ZNF687: variants seen among roughly 807,000 people sequenced by gnomAD.
ZNF687 encodes the protein zinc finger protein 687.
In ZNF687, 13 loss-of-function variants were observed where a neutral mutation model predicts 71.8. The ratio of observed to expected loss-of-function variants is 0.18; its 90% CI spans 0.12 to 0.29. The LOEUF is 0.29. ZNF687 is among the 10% of genes least tolerant of loss of function. The pLI, the probability that ZNF687 is intolerant of heterozygous loss-of-function variation, is 1.00. For synonymous variants in ZNF687, 673 were observed against 641.6 expected, an observed-to-expected ratio of 1.05 and a Z score of -0.74; for missense variants, 1,412 against 1,625.6, an observed-to-expected ratio of 0.87 and a Z score of 2.26.
At position 151,289,867 on chromosome 1, in the gene ZNF687, A is replaced by G. The variant is rs1288771529; in HGVS notation, c.2824A>G (p.Lys942Glu). 6.4e-7 allele frequency: 1 copy of G among 1,566,246 alleles called. No individual in the cohort carries two copies. Among genetic ancestry groups the G allele is most frequent in the Non-Finnish European group, 8.7e-7 (1 of 1,154,700 alleles). ...PSSPEPPRPA[K>E]RPRRELGSKG... ...CTCCCCTGAGCCCCCCCGTCCAGCC[A>G]AACGGCCTCGGCGGGAACTAGGGAG... Residue 942 changes from lysine (K) to glutamate (E), a missense_variant, in exon 6 of 9, where the codon AAA becomes GAA. Lys to Glu is a moderately conservative substitution (Grantham distance 56). Transcript: ENST00000336715.
At position 151,287,671 on chromosome 1, in the gene ZNF687, T is replaced by C. The variant is rs587651381; in HGVS notation, c.1380T>C (p.Thr460=). The stretch of plus-strand genomic sequence containing the variant: ...CTGACGGGCGGGCAGGGCTGGGGAC[T>C]GGGGGACAGAAGGTGAATGGTGCCT... ...PKADGRAGLG[T]GGQKVNGASV... The change falls in exon 2 of 9, where the codon ACT becomes ACC. Residue 460 remains threonine, a synonymous_variant. Transcript: ENST00000336715. This position sits in a 1 kb window ranked among gnomAD's most constrained non-coding sequence, Gnocchi z 5.0. 6.2e-7 allele frequency: 1 copy of C among 1,613,098 alleles called. No individual in the cohort carries two copies. The highest frequency in any genetic ancestry group is 1.3e-5 in the African/African-American group (1 of 74,902).
upstream of ZNF687, chr1:151,281,686 G>A (rs765453699): frequency 2.2e-6 from 1 of 450,398 alleles, no homozygotes; most frequent in South Asian, 1.6e-5. Flanking sequence ...CGATTTAGAC[G>A]GTGGGAAGAC....
Position 151,289,804 on chromosome 1 carries a change from G to A in ZNF687, c.2761G>A (p.Glu921Lys). The change falls in exon 6 of 9, where the codon GAG (glutamate) becomes AAG (lysine). Residue 921 changes from glutamate to lysine, a missense_variant. Transcript: ENST00000336715. Reference sequence around the variant, plus strand: ...GGGAGGGGCAGCCCCTGCTACTGAGGAGTCGTCTTCATCTTCAGAAGAGGA... The same window carrying A: ...GGGAGGGGCAGCCCCTGCTACTGAGAAGTCGTCTTCATCTTCAGAAGAGGA... ...SQGGAAPATE[E>K]SSSSSEEEEV... is the part of the protein sequence containing the mutation. The A allele has an allele frequency of 6.4e-7, 1 of 1,566,472 alleles. No homozygotes were observed. Among genetic ancestry groups the A allele is most frequent in the Non-Finnish European group, 8.7e-7 (1 of 1,155,042 alleles).
At position 151,287,032 on chromosome 1, in the gene ZNF687, C is replaced by T. The variant is rs752925191; in HGVS notation, c.741C>T (p.Asp247=). 6.2e-7 allele frequency: 1 copy of T among 1,607,344 alleles called. No individual in the cohort carries two copies. Among genetic ancestry groups the T allele is most frequent in the African/African-American group, 1.3e-5 (1 of 74,790 alleles). Reference sequence around the variant, plus strand: ...CAGGCTCCAGCCCTAAGGCCACGGACATCCCTGCCAGTGCCTCGCCTCCCC... The same window carrying T: ...CAGGCTCCAGCCCTAAGGCCACGGATATCCCTGCCAGTGCCTCGCCTCCCC... The part of the protein sequence containing the change: ...QGSGSSPKAT[D]IPASASPPPV... The change falls in exon 2 of 9, where the codon GAC becomes GAT. Residue 247 remains aspartate, a synonymous_variant. Transcript: ENST00000336715. The surrounding 1 kb of genome is among the most constrained non-coding windows in gnomAD (Gnocchi z 5.0).
intron 7 of ZNF687, 93 bp downstream of exon 7, chr1:151,290,327 C>G: frequency 6.2e-7 from 1 of 1,609,560 alleles, no homozygotes; most frequent in Non-Finnish European, 8.5e-7. Flanking sequence ...TCTAAGTGGC[C>G]TGATGGTTGG....
rs147172634 is a variant in ZNF687 at position 151,287,190 on chromosome 1, G to T, written c.899G>T (p.Gly300Val). 215 of 1,614,160 alleles carry T rather than the reference G, an allele frequency of 1.3e-4. No homozygotes were observed. In the African/African-American group the frequency reaches 2.3e-3, roughly 18 times the overall value. The change falls in exon 2 of 9, where the codon GGA (glycine) becomes GTA (valine). Residue 300 changes from glycine to valine, a missense_variant. Gly to Val is a moderately radical substitution (Grantham distance 109, BLOSUM62 -3). Transcript: ENST00000336715. This position sits in a 1 kb window ranked among gnomAD's most constrained non-coding sequence, Gnocchi z 5.0. ...DEGPVDKSSP[G>V]SPQSPSSGAE... is the part of the protein sequence containing the mutation. The stretch of plus-strand genomic sequence containing the variant: ...GGGCCAGTGGACAAGTCTTCCCCAG[G>T]AAGTCCCCAGAGTCCCTCTAGTGGG...
At chr1:151,281,858 C>T (rs587674299), upstream of ZNF687, 10 of 409,522 alleles carry the variant, frequency 2.4e-5, no homozygotes, top group South Asian at 1.8e-4. Flanking sequence ...CAGTGCCCAC[C>T]ACACAGAAGC....
In ZNF687 at chr1:151,288,403, C is replaced by T. The variant is rs1694049497; in HGVS notation, c.2112C>T (p.Ser704=). The stretch of plus-strand genomic sequence containing the variant: ...GCCCCCCTGCCCCTGGGGCCACCAG[C>T]AATGTGAGTCACCTTTCACAGCCCT... ...QLGPPAPGAT[S]NVCPTCPMML... Residue 704 remains serine (S), a synonymous_variant, in exon 2 of 9, where the codon AGC becomes AGT. Transcript: ENST00000336715. 1 of 1,602,732 alleles carries T rather than the reference C, an allele frequency of 6.2e-7. No homozygotes were observed. The highest frequency in any genetic ancestry group is 1.3e-5 in the African/African-American group (1 of 74,826).
At chr1:151,283,277 C>A in intron 1 of ZNF687, 1 of 985,468 alleles carries the variant, frequency 1.0e-6, no homozygotes, top group South Asian at 4.7e-5. Context: ...GCCGCCAGCC[C>A]CTCGCCCTCC....
rs888795715 is a variant in ZNF687 at position 151,290,949 on chromosome 1, C to T, written c.3454C>T (p.Arg1152Ter). The T allele has an allele frequency of 2.5e-6, 4 of 1,613,794 alleles. No homozygotes were observed. Among genetic ancestry groups the T allele is most frequent in the East Asian group, 2.2e-5 (1 of 44,886 alleles). The change falls in exon 9 of 9, where the codon CGA becomes TGA. Residue 1152 changes from arginine (R) to a stop codon, truncating the protein, a stop_gained. Transcript: ENST00000336715. LOFTEE classifies it high-confidence loss of function. ...CTTTGCCTCCCCTGGCTCCCTGAGC[C>T]GACACCGTTTCATCAGCCACAAGAA... is the stretch of plus-strand genomic sequence containing the variant. ...LCFASPGSLS[R>*]HRFISHKKRR...
chr1:151,288,409 G>A lies in ZNF687; in HGVS notation c.2115+3G>A. ...CTGCCCCTGGGGCCACCAGCAATGT[G>A]AGTCACCTTTCACAGCCCTTCTGTG... On this transcript the variant is annotated splice_donor_region_variant and intron_variant, in intron 2 of 8. Coordinates refer to ENST00000336715, the MANE Select transcript of ZNF687 (RefSeq NM_020832.3). The A allele has an allele frequency of 1.9e-6, 3 of 1,602,532 alleles. No individual in the cohort carries two copies. The highest frequency in any genetic ancestry group is 4.5e-5 in the East Asian group (2 of 44,742).
In ZNF687 at chr1:151,287,672, G is replaced by C. The variant is rs149906483; in HGVS notation, c.1381G>C (p.Gly461Arg). Reference sequence around the variant, plus strand: ...TGACGGGCGGGCAGGGCTGGGGACTGGGGGACAGAAGGTGAATGGTGCCTC... The same window carrying C: ...TGACGGGCGGGCAGGGCTGGGGACTCGGGGACAGAAGGTGAATGGTGCCTC... ...KADGRAGLGT[G>R]GQKVNGASVV... is the part of the protein sequence containing the mutation. The change falls in exon 2 of 9, where the codon GGG (glycine) becomes CGG (arginine). Residue 461 changes from glycine (G) to arginine (R), a missense_variant. Physicochemically the swap from Gly to Arg is moderately radical, Grantham distance 125 (BLOSUM62 -2). Around this residue, in one of 8 missense-constraint regions of ZNF687, gnomAD observed 133 missense variants for 155.1 expected, o/e 0.86. Transcript: ENST00000336715. This position sits in a 1 kb window ranked among gnomAD's most constrained non-coding sequence, Gnocchi z 5.0. 2,543 of 1,613,436 alleles carry C rather than the reference G, an allele frequency of 1.6e-3. 5 individuals are homozygous for C. Among genetic ancestry groups the C allele is most frequent in the Non-Finnish European group, 2.0e-3 (2,370 of 1,179,780 alleles).
At position 151,289,137 on chromosome 1, in the gene ZNF687, C is replaced by G. The variant is rs1694084258; in HGVS notation, c.2337C>G (p.Ile779Met). 14 of 1,614,218 alleles carry G rather than the reference C, an allele frequency of 8.7e-6. No individual in the cohort carries two copies. The East Asian group carries it at 3.1e-4, about 36-fold the overall frequency. The stretch of plus-strand genomic sequence containing the variant: ...TGGTGTTTGGGGGTGTGAACTCCAT[C>G]AAGTCCCACATCCAGACGTCGCACT... ...CSVVFGGVNS[I>M]KSHIQTSHCE... Residue 779 changes from isoleucine (I) to methionine (M), a missense_variant, in exon 4 of 9, where the codon ATC becomes ATG. Transcript: ENST00000336715.
intron 1 of ZNF687, 89 bp from the exon 2 acceptor site, chr1:151,286,186 G>A: frequency 8.8e-7 from 1 of 1,134,936 alleles, no homozygotes; most frequent in South Asian, 1.6e-5. Flanking sequence ...GGTTCTGAGA[G>A]AGGATAAATA....
At position 151,292,035 on chromosome 1, in the gene ZNF687, G is replaced by A. The variant is rs1397557450; in HGVS notation, c.*826G>A. On this transcript the variant is annotated 3_prime_UTR_variant, in exon 9 of 9. Transcript: ENST00000336715. ...AGGCAGGGAAAAAGCAAACTTCTAT[G>A]TAGTGCCTTTTGTATCTTGGACACT... The A allele has an allele frequency of 2.0e-5, 3 of 151,114 alleles. No individual in the cohort carries two copies. The highest frequency in any genetic ancestry group is 4.4e-5 in the Non-Finnish European group (3 of 67,944). 9.4% of individuals were successfully genotyped at this position (151,114 alleles called of 1,614,324 possible).
Position 151,287,951 on chromosome 1 carries a change from C to T in ZNF687, c.1660C>T (p.Arg554Cys), listed in dbSNP as rs1694025251. ...GAAGAGCCTGGCACGGCACTATGAC[C>T]GTCGGAGCATGCGCATCGAGGTCAC... ...LEKSLARHYD[R>C]RSMRIEVTCN... Residue 554 changes from arginine to cysteine, a missense_variant, in exon 2 of 9, where the codon CGT becomes TGT. Physicochemically the swap from Arg to Cys is radical, Grantham distance 180 (BLOSUM62 -3). Coordinates refer to ENST00000336715, the MANE Select transcript of ZNF687 (RefSeq NM_020832.3). The surrounding 1 kb of genome is among the most constrained non-coding windows in gnomAD (Gnocchi z 5.0). 6.2e-7 allele frequency: 1 copy of T among 1,613,858 alleles called. No individual in the cohort carries two copies. Among genetic ancestry groups the T allele is most frequent in the Non-Finnish European group, 8.5e-7 (1 of 1,180,030 alleles).
chr1:151,290,033 A>G (rs1694143457), intron 6 of ZNF687, 26 bp downstream of exon 6: 1 of 1,600,594 alleles, frequency 6.2e-7, no homozygotes, highest in Non-Finnish European at 8.5e-7. Flanking sequence ...GGGGAGTACC[A>G]TGGGCTGGGG....
Position 151,286,858 on chromosome 1 carries a change from T to C in ZNF687, c.567T>C (p.Ala189=). ...PSAPSPTREG[A]LTPPPFPSSF... is the part of the protein sequence containing the mutation. ...CACCCTCTCCCACTCGGGAGGGGGCTCTGACCCCGCCTCCTTTCCCCTCTT... is the reference window on the plus strand; with the variant it reads ...CACCCTCTCCCACTCGGGAGGGGGCCCTGACCCCGCCTCCTTTCCCCTCTT... The change falls in exon 2 of 9, where the codon GCT becomes GCC. Residue 189 remains alanine, a synonymous_variant. Transcript: ENST00000336715. The C allele has an allele frequency of 6.2e-7, 1 of 1,613,560 alleles. No individual in the cohort carries two copies. Among genetic ancestry groups the C allele is most frequent in the Non-Finnish European group, 8.5e-7 (1 of 1,179,582 alleles).
chr1:151,289,599 C>T, intron 5 of ZNF687, 59 bp downstream of exon 5: 1 of 1,610,644 alleles, frequency 6.2e-7, no homozygotes. Context: ...GGGCTGGGGC[C>T]ACATACTTCA....
Sources: gnomAD v4.1 joint callset for allele counts on GRCh38, gnomAD v4.1.1 for gene constraint, gnomAD v4.1.1 regional missense constraint, Gnocchi (gnomAD v3.1) non-coding constraint, MANE v1.5 for transcripts, NCBI Gene and HGNC (gene_info 2026-07-23, HGNC 2026-07-21) for gene names.